Variants in TMTC2 observed in about 807,000 individuals in gnomAD.
TMTC2 encodes protein O-mannosyl-transferase TMTC2.
Under a neutral mutation model 82.4 loss-of-function variants are expected in TMTC2, and 43 were observed. The observed-to-expected ratio is 0.52, with a 90% confidence interval of 0.41 to 0.67. The LOEUF is 0.67. Among genes scored for constraint, TMTC2 ranks in the 30% least tolerant of loss-of-function variants. The pLI is 0.00. For missense variants in TMTC2, 919 were observed against 1,012.4 expected (o/e 0.91, Z 1.25); for synonymous variants, 408 against 381.9 (o/e 1.07, Z -0.80).
intron 11 of TMTC2, among the ~76,000 whole-genome samples, chr12:83,082,851 A>T (rs928651688): frequency 3.3e-5 from 5 of 152,212 alleles, no homozygotes; most frequent in African/African-American, 7.2e-5. Flanking sequence ...TGCCTCAGTG[A>T]CGTCCCTATT....
chr12:82,833,319 A>G (rs1685589700), intron 1 of TMTC2, among the ~76,000 whole-genome samples: 1 of 152,336 alleles, frequency 6.6e-6, no homozygotes, highest in Non-Finnish European at 1.5e-5. Flanking sequence ...AAGCTTGATC[A>G]AGTGTTAAGA....
chr12:82,818,149 C>T (rs887411363), intron 1 of TMTC2, among the ~76,000 whole-genome samples: 1 of 152,026 alleles, frequency 6.6e-6, no homozygotes, highest in African/African-American at 2.4e-5. Flanking sequence ...ATTTGGACTT[C>T]CCAGACCTAT....
chr12:82,723,648 G>A (rs547036322), intron 1 of TMTC2, among the ~76,000 whole-genome samples: 14 of 152,258 alleles, frequency 9.2e-5, no homozygotes, highest in African/African-American at 3.4e-4. Context: ...ATGAGGTCAG[G>A]TGTGGAATTT....
chr12:82,714,421 A>G lies in TMTC2; in HGVS notation c.83+26752A>G, dbSNP rs549191249. Reference sequence around the variant, plus strand: ...ATAGAAAAATGCTCTTAAATGTAGTAGAGTGCTTCCTTATCAGAAAGGTGC... The same window carrying G: ...ATAGAAAAATGCTCTTAAATGTAGTGGAGTGCTTCCTTATCAGAAAGGTGC... On this transcript the variant is annotated intron_variant, in intron 1 of 11. Transcript: ENST00000321196. Among the ~76,000 whole-genome samples, 3 of 152,346 alleles carry G rather than the reference A, an allele frequency of 2.0e-5. No homozygotes were observed. In the East Asian group the frequency reaches 5.8e-4, roughly 29 times the overall value.
intron 11 of TMTC2, among the ~76,000 whole-genome samples, chr12:83,110,572 G>A (rs189936626): frequency 1.6e-4 from 25 of 152,240 alleles, no homozygotes; most frequent in African/African-American, 5.3e-4. Context: ...ACTCAGCATC[G>A]TTAGATTAAT....
At chr12:82,990,093 C>G (rs1879337821) in intron 8 of TMTC2, among the ~76,000 whole-genome samples, 1 of 152,136 alleles carries the variant, frequency 6.6e-6, no homozygotes, top group South Asian at 2.1e-4. Context: ...CACATTTTGA[C>G]TTCTGAATGC....
intron 9 of TMTC2, among the ~76,000 whole-genome samples, chr12:83,047,437 C>G (rs1014829325): frequency 6.6e-6 from 1 of 152,160 alleles, no homozygotes; most frequent in Non-Finnish European, 1.5e-5. Flanking sequence ...TGTAATGTAG[C>G]AGAATAATAA....
chr12:83,089,677 T>G (rs1177400240), intron 11 of TMTC2, among the ~76,000 whole-genome samples: 1 of 152,158 alleles, frequency 6.6e-6, no homozygotes, highest in Non-Finnish European at 1.5e-5. Flanking sequence ...TATAGTCTCA[T>G]GGAGAGAATT....
At position 82,950,086 on chromosome 12, in the gene TMTC2, C is replaced by G. The variant is rs1300608451; in HGVS notation, c.1599-14938C>G. Among the ~76,000 whole-genome samples the G allele has an allele frequency of 2.0e-5, 3 of 152,152 alleles. No individual in the cohort carries two copies. The East Asian group carries it at 5.8e-4, about 29-fold the overall frequency. On this transcript the variant is annotated intron_variant, in intron 4 of 11. Coordinates refer to ENST00000321196, the MANE Select transcript of TMTC2 (RefSeq NM_152588.3). The stretch of plus-strand genomic sequence containing the variant: ...AGAAAGGGCGGGTATTAATACTAAG[C>G]TAAAAGCAGTCACCTATTCCCAGTG...
At chr12:82,845,941 TTG>T (rs1381107401) in intron 1 of TMTC2, among the ~76,000 whole-genome samples, 2 of 130,600 alleles carry the variant, frequency 1.5e-5, no homozygotes, top group African/African-American at 9.3e-5. Context: ...TTTTTTGTGT[TTG>T]TTTTTTTTTT....
chr12:82,983,143 A>T (rs1335176911), intron 7 of TMTC2, among the ~76,000 whole-genome samples: 2 of 152,050 alleles, frequency 1.3e-5, no homozygotes, highest in East Asian at 3.9e-4. Flanking sequence ...CATAAGTCAG[A>T]CATTTGTCAC....
intron 3 of TMTC2, among the ~76,000 whole-genome samples, chr12:82,909,620 A>G (rs532833441): frequency 1.3e-5 from 2 of 152,276 alleles, no homozygotes; most frequent in South Asian, 2.1e-4. Flanking sequence ...GATTACAGGC[A>G]TGAGCCACCG....
At chr12:83,111,654 G>T (rs1884604488) in intron 11 of TMTC2, among the ~76,000 whole-genome samples, 1 of 151,516 alleles carries the variant, frequency 6.6e-6, no homozygotes, top group Non-Finnish European at 1.5e-5. Context: ...ACTTCTTTTT[G>T]TTTCTTATCT....
intron 2 of TMTC2, among the ~76,000 whole-genome samples, chr12:82,859,793 A>ATGG (rs1871442409): frequency 6.6e-6 from 1 of 151,938 alleles, no homozygotes; most frequent in South Asian, 2.1e-4. Context: ...CTTTGCCCAG[A>ATGG]CTCTCTTGGC....
intron 1 of TMTC2, among the ~76,000 whole-genome samples, chr12:82,741,372 G>A (rs1183183959): frequency 1.3e-5 from 2 of 152,048 alleles, no homozygotes; most frequent in Non-Finnish European, 1.5e-5. Flanking sequence ...GTGCAGTGGC[G>A]TGATCTTGAC....
intron 1 of TMTC2, among the ~76,000 whole-genome samples, chr12:82,729,941 CT>C (rs1874687895): frequency 6.6e-6 from 1 of 152,126 alleles, no homozygotes; most frequent in Admixed American, 6.5e-5. Context: ...AGATGCGCTG[CT>C]TAAAGAGCTG....
chr12:82,715,253 C>T (rs1440404678), intron 1 of TMTC2, among the ~76,000 whole-genome samples: 1 of 148,204 alleles, frequency 6.7e-6, no homozygotes, highest in Admixed American at 6.8e-5. Context: ...CCAGCCTGGG[C>T]GACAGAACGA....
intron 3 of TMTC2, among the ~76,000 whole-genome samples, chr12:82,924,636 T>C (rs373196906): frequency 3.9e-5 from 6 of 152,304 alleles, no homozygotes; most frequent in East Asian, 1.9e-4. Flanking sequence ...GTTAACCTTG[T>C]TGATGATTTT....
At chr12:82,950,768 T>C (rs1877302105) in intron 4 of TMTC2, among the ~76,000 whole-genome samples, 2 of 152,224 alleles carry the variant, frequency 1.3e-5, no homozygotes, top group African/African-American at 4.8e-5. Context: ...AGGATATGTT[T>C]CTCTTTCTTT....
Sources: allele counts gnomAD v4.1 joint callset (sites outside exome capture counted in the v4.1 genomes callset), GRCh38; gene constraint gnomAD v4.1.1; transcripts MANE v1.5; gene names NCBI Gene and HGNC (gene_info 2026-07-23, HGNC 2026-07-21).